The following FALEC variants were observed in gnomAD, a reference collection of about 807,000 sequenced individuals.
FALEC encodes focally amplified lncRNA regulator of ECM1.
the FALEC span, among the ~76,000 whole-genome samples, chr1:150,531,064 GGAAAT>G: frequency 6.6e-6 from 1 of 152,080 alleles, no homozygotes; most frequent in African/African-American, 2.4e-5. Context: ...CTTGAACAAA[GGAAAT>G]GAAATACTCA....
At chr1:150,518,373 G>A (rs72698899), downstream of FALEC, among the ~76,000 whole-genome samples, 2,672 of 147,532 alleles carry the variant, frequency 0.018, 54 homozygotes, top group Non-Finnish European at 0.025. Flanking sequence ...CTAATCAGTC[G>A]CCAAGTCTCT....
downstream of FALEC, among the ~76,000 whole-genome samples, chr1:150,519,387 A>G (rs749829728): frequency 7.2e-5 from 11 of 152,238 alleles, no homozygotes; most frequent in Admixed American, 5.2e-4. Context: ...TGTACAATTC[A>G]ATGGGTTTTG....
the FALEC span, among the ~76,000 whole-genome samples, chr1:150,527,458 CCT>C: frequency 3.3e-5 from 5 of 151,564 alleles, no homozygotes; most frequent in African/African-American, 1.2e-4. Context: ...GAGATTTCAC[CCT>C]GTTAGCCAGG....
At chr1:150,534,074 C>T in the FALEC span, among the ~76,000 whole-genome samples, 6 of 152,252 alleles carry the variant, frequency 3.9e-5, no homozygotes, top group African/African-American at 1.4e-4. Context: ...CCATCCTTAA[C>T]TCAGCCTTCT....
At chr1:150,535,100 T>C in the FALEC span, among the ~76,000 whole-genome samples, 2 of 152,128 alleles carry the variant, frequency 1.3e-5, no homozygotes, top group Admixed American at 6.5e-5. Flanking sequence ...TAAACCAAAG[T>C]GCTGCTCTCC....
downstream of FALEC, among the ~76,000 whole-genome samples, chr1:150,522,892 TA>T (rs1670666222): frequency 1.4e-5 from 1 of 73,844 alleles, no homozygotes; most frequent in South Asian, 3.2e-4. Flanking sequence ...TATATACGTA[TA>T]TATATATATA....
chr1:150,532,203 G>A, the FALEC span, among the ~76,000 whole-genome samples: 3 of 152,144 alleles, frequency 2.0e-5, no homozygotes, highest in Non-Finnish European at 2.9e-5. Flanking sequence ...CACCGCACCC[G>A]GCCAGCCTTT....
the FALEC span, among the ~76,000 whole-genome samples, chr1:150,527,935 G>A: frequency 6.6e-6 from 1 of 152,178 alleles, no homozygotes; most frequent in East Asian, 1.9e-4. Flanking sequence ...TATATATGCA[G>A]AATTGGTGGT....
downstream of FALEC, among the ~76,000 whole-genome samples, chr1:150,522,351 G>T (rs1670653989): frequency 6.6e-6 from 1 of 152,038 alleles, no homozygotes; most frequent in Non-Finnish European, 1.5e-5. Flanking sequence ...GGCCGGGAGT[G>T]GTGGCTCACG....
At chr1:150,524,021 G>A in the FALEC span, among the ~76,000 whole-genome samples, 1 of 152,176 alleles carries the variant, frequency 6.6e-6, no homozygotes, top group Non-Finnish European at 1.5e-5. Flanking sequence ...CAGAGCCTCC[G>A]GAAGGAACCA....
At chr1:150,516,266 G>T (rs113349351) in intron 1 of FALEC, among the ~76,000 whole-genome samples, 132 of 152,234 alleles carry the variant, frequency 8.7e-4, no homozygotes, top group African/African-American at 3.0e-3. Context: ...AAGGGAGCGG[G>T]GGGGCTTTGG....
chr1:150,532,501 A>G, the FALEC span, among the ~76,000 whole-genome samples: 9 of 152,282 alleles, frequency 5.9e-5, no homozygotes, highest in South Asian at 1.7e-3. Context: ...GAGATCTGGG[A>G]AAAGAGCAGG....
the FALEC span, among the ~76,000 whole-genome samples, chr1:150,527,473 G>A: frequency 6.6e-6 from 1 of 151,774 alleles, no homozygotes; most frequent in African/African-American, 2.4e-5. Flanking sequence ...TAGCCAGGCT[G>A]GTCTTAAGCT....
the FALEC span, among the ~76,000 whole-genome samples, chr1:150,535,261 T>G: frequency 2.6e-5 from 4 of 152,220 alleles, no homozygotes; most frequent in Middle Eastern, 3.2e-3. Context: ...TTTTTCTTTT[T>G]GAGACCGAGT....
chr1:150,518,387 T>A, downstream of FALEC, among the ~76,000 whole-genome samples: 1 of 61,116 alleles, frequency 1.6e-5, no homozygotes, highest in Non-Finnish European at 4.3e-5. Flanking sequence ...AGTCTCTCTC[T>A]TTTTTTTTTT....
the FALEC span, among the ~76,000 whole-genome samples, chr1:150,531,961 G>A: frequency 3.9e-5 from 6 of 152,346 alleles, no homozygotes; most frequent in East Asian, 1.2e-3. Context: ...CTGGAGTGCA[G>A]TGGCACGATC....
the FALEC span, among the ~76,000 whole-genome samples, chr1:150,531,905 C>G: frequency 1.3e-5 from 2 of 152,190 alleles, no homozygotes; most frequent in Non-Finnish European, 2.9e-5. Context: ...GAAGCTCCGT[C>G]AAAATGCAAG....
chr1:150,522,915 A>G (rs868817487), downstream of FALEC, among the ~76,000 whole-genome samples: 40 of 91,580 alleles, frequency 4.4e-4, 3 homozygotes, highest in East Asian at 1.1e-3. Context: ...ATATATATAC[A>G]TATATATATA....
Position 150,516,246 on chromosome 1 carries a change from C to CA in FALEC, n.306+195dup, listed in dbSNP as rs10712406. Reference sequence around the variant, plus strand: ...CTGGGCGAGAGAGGAGACTCTGTCTCAAAAAAAAAAAGGGAGCGGGGGGGC... The same window carrying CA: ...CTGGGCGAGAGAGGAGACTCTGTCTCAAAAAAAAAAAAGGGAGCGGGGGGGC... On this transcript the variant is annotated intron_variant and non_coding_transcript_variant, in intron 1 of 1. Transcript: ENST00000416894. Among the ~76,000 whole-genome samples the CA allele has an allele frequency of 1.1e-3, 168 of 148,788 alleles. No homozygotes were observed. In the East Asian group the frequency reaches 0.018, roughly 16 times the overall value.
Sources: gnomAD v4.1 joint callset for allele counts (sites outside exome capture counted in the v4.1 genomes callset) on GRCh38, gnomAD v4.1.1 for gene constraint, MANE v1.5 for transcripts, NCBI Gene and HGNC (gene_info 2026-07-23, HGNC 2026-07-21) for gene names.